PAWR: variants seen among roughly 807,000 people sequenced by gnomAD.
The protein encoded by PAWR is pro-apoptotic WT1 regulator.
A neutral mutation model predicts 32.0 loss-of-function variants in PAWR; 23 were observed. The ratio of observed to expected loss-of-function variants is 0.72; its 90% CI spans 0.52 to 1.02. PAWR has a LOEUF of 1.02. Among genes scored for constraint, PAWR ranks in the 50% least tolerant of loss-of-function variants. The pLI is 0.00. For synonymous variants in PAWR, 226 were observed against 187.1 expected (o/e 1.21, Z -1.70); for missense variants, 457 against 437.7 (o/e 1.04, Z -0.39).
At chr12:79,595,813 T>C (rs1293167161) in intron 5 of PAWR, among the ~76,000 whole-genome samples, 3 of 152,058 alleles carry the variant, frequency 2.0e-5, no homozygotes, top group African/African-American at 4.8e-5. Context: ...TACTGAGCCA[T>C]TGTACTCCAG....
chr12:79,675,916 T>A (rs920325505), intron 2 of PAWR, among the ~76,000 whole-genome samples: 6 of 152,132 alleles, frequency 3.9e-5, no homozygotes, highest in Non-Finnish European at 7.4e-5. Context: ...GCAAGCTTAA[T>A]ATATTTGTTT....
At chr12:79,649,595 C>A (rs185470767) in intron 2 of PAWR, among the ~76,000 whole-genome samples, 2 of 151,746 alleles carry the variant, frequency 1.3e-5, no homozygotes, top group Non-Finnish European at 2.9e-5. Flanking sequence ...AAGACCAGCC[C>A]GGTGCAACAT....
intron 2 of PAWR, among the ~76,000 whole-genome samples, chr12:79,661,152 G>C (rs1877330556): frequency 6.6e-6 from 1 of 151,398 alleles, no homozygotes; most frequent in Non-Finnish European, 1.5e-5. Flanking sequence ...GGGAGGCTGA[G>C]GCAGGGGAAT....
At chr12:79,627,448 T>TC (rs2136733687) in intron 2 of PAWR, among the ~76,000 whole-genome samples, 1 of 152,318 alleles carries the variant, frequency 6.6e-6, no homozygotes, top group East Asian at 1.9e-4. Flanking sequence ...TTTGTTTTTT[T>TC]CTTGTAAATT....
intron 2 of PAWR, among the ~76,000 whole-genome samples, chr12:79,672,541 C>T (rs1231081910): frequency 6.6e-6 from 1 of 152,150 alleles, no homozygotes; most frequent in African/African-American, 2.4e-5. Flanking sequence ...AAATACCTTG[C>T]TCCATATAGA....
rs1472933603 is a variant in PAWR, at chr12:79,588,943, C to T, written c.*3664G>A. The stretch of plus-strand genomic sequence containing the variant: ...TTAGTTGATGTGCCTGATAAGCAAA[C>T]TGTTAGTTGTCTATTAGTATTATGT... On this transcript the variant is annotated 3_prime_UTR_variant, in exon 7 of 7. Coordinates refer to ENST00000328827, the MANE Select transcript of PAWR (RefSeq NM_002583.4). 2.6e-5 allele frequency: 4 copies of T among 152,064 alleles called. No individual in the cohort carries two copies. Among genetic ancestry groups the T allele is most frequent in the East Asian group, 1.9e-4 (1 of 5,188 alleles). 9.4% of individuals were successfully genotyped at this position (152,064 alleles called of 1,614,324 possible). A position where few individuals can be genotyped will look rare whatever the true frequency, so the allele number is the denominator to read the frequency against.
chr12:79,650,714 T>TAAAA (rs34166197), intron 2 of PAWR, among the ~76,000 whole-genome samples: 4 of 113,072 alleles, frequency 3.5e-5, no homozygotes, highest in Non-Finnish European at 7.0e-5. Flanking sequence ...TAAAGGTTAT[T>TAAAA]AAAAAAAAAA....
Position 79,589,485 on chromosome 12 carries a change from AACT to A in PAWR, c.*3119_*3121del, listed in dbSNP as rs557345977. On this transcript the variant is annotated 3_prime_UTR_variant, in exon 7 of 7. Transcript: ENST00000328827. ...ATTTTTTAAACTGAAGAAAAAAAAA[AACT>A]ACATTGCTCCACATACCTGATACTT... The A allele has an allele frequency of 2.2e-4, 34 of 152,196 alleles. No individual in the cohort carries two copies. The highest frequency in any genetic ancestry group is 6.7e-4 in the African/African-American group (28 of 41,566). 9.4% of individuals were successfully genotyped at this position (152,196 alleles called of 1,614,324 possible).
chr12:79,636,807 T>TA (rs1875981618), intron 2 of PAWR, among the ~76,000 whole-genome samples: 1 of 152,112 alleles, frequency 6.6e-6, no homozygotes, highest in South Asian at 2.1e-4. Flanking sequence ...TCAGAATCCT[T>TA]AAAAAAATTT....
At chr12:79,658,410 CT>C (rs904833939) in intron 2 of PAWR, among the ~76,000 whole-genome samples, 13 of 152,052 alleles carry the variant, frequency 8.5e-5, no homozygotes, top group African/African-American at 3.1e-4. Flanking sequence ...TCCAGTTTTT[CT>C]TTTTTAGTGA....
At chr12:79,643,344 G>T (rs1876420708) in intron 2 of PAWR, among the ~76,000 whole-genome samples, 1 of 152,014 alleles carries the variant, frequency 6.6e-6, no homozygotes, top group South Asian at 2.1e-4. Flanking sequence ...AAGAAGTAAT[G>T]AAAATATACA....
chr12:79,666,396 C>T (rs891720531), intron 2 of PAWR, among the ~76,000 whole-genome samples: 1 of 152,174 alleles, frequency 6.6e-6, no homozygotes, highest in African/African-American at 2.4e-5. Context: ...TAGAATACCA[C>T]CATTTTGCAA....
At chr12:79,614,855 AG>A (rs1395145874) in intron 3 of PAWR, among the ~76,000 whole-genome samples, 4 of 152,210 alleles carry the variant, frequency 2.6e-5, no homozygotes, top group African/African-American at 9.7e-5. Flanking sequence ...GATTAAGAGG[AG>A]GGATCGGATC....
At chr12:79,649,871 T>C (rs1270550856) in intron 2 of PAWR, among the ~76,000 whole-genome samples, 1 of 152,178 alleles carries the variant, frequency 6.6e-6, no homozygotes, top group Admixed American at 6.5e-5. Context: ...AGACAATTTT[T>C]TCACGGACTG....
Position 79,592,634 on chromosome 12 carries a change from C to G in PAWR, c.996G>C (p.Leu332Phe). 1 of 769,062 alleles carries G rather than the reference C, an allele frequency of 1.3e-6. No homozygotes were observed. 47.6% of individuals were successfully genotyped at this position (769,062 alleles called of 1,614,324 possible). A position where few individuals can be genotyped will look rare whatever the true frequency, so the allele number is the denominator to read the frequency against. Residue 332 changes from leucine to phenylalanine, a missense_variant, in exon 7 of 7, where the codon TTG (leucine) becomes TTC (phenylalanine). Leu to Phe is a conservative substitution (Grantham distance 22). Transcript: ENST00000328827. ...EQLKQENKTL[L>F]KVVGQLTR is the part of the protein sequence containing the mutation. ...ACCTGGTCAGCTGACCCACAACTTT[C>G]AAAAGAGTTTTATTTTCCTGCTTTA... is the stretch of plus-strand genomic sequence containing the variant.
chr12:79,672,611 C>T (rs1248142956), intron 2 of PAWR, among the ~76,000 whole-genome samples: 2 of 151,980 alleles, frequency 1.3e-5, no homozygotes, highest in African/African-American at 2.4e-5. Flanking sequence ...TCTCTATAGC[C>T]TATCTCCCTG....
chr12:79,681,964 AGAAAATCAATT>A (rs1442185458), intron 2 of PAWR, among the ~76,000 whole-genome samples: 3 of 152,352 alleles, frequency 2.0e-5, no homozygotes, highest in African/African-American at 7.2e-5. Flanking sequence ...CCAAAATAAT[AGAAAATCAATT>A]GATACTTTAT....
chr12:79,640,807 TAGG>T (rs1312612889), intron 2 of PAWR, among the ~76,000 whole-genome samples: 1 of 152,102 alleles, frequency 6.6e-6, no homozygotes, highest in African/African-American at 2.4e-5. Flanking sequence ...AGAAAGGACT[TAGG>T]AGAAGACTGA....
intron 2 of PAWR, among the ~76,000 whole-genome samples, chr12:79,649,635 T>A (rs1349732286): frequency 6.6e-6 from 1 of 151,888 alleles, no homozygotes; most frequent in Non-Finnish European, 1.5e-5. Context: ...AAAAAATTTT[T>A]AAAAATATAG....
Sources: gnomAD v4.1 joint callset for allele counts (sites outside exome capture counted in the v4.1 genomes callset) on GRCh38, gnomAD v4.1.1 for gene constraint, MANE v1.5 for transcripts, NCBI Gene and HGNC (gene_info 2026-07-23, HGNC 2026-07-21) for gene names.